HAO1: variants seen among roughly 807,000 people sequenced by gnomAD.
HAO1 encodes the protein hydroxyacid oxidase 1.
Under a neutral mutation model 39.7 loss-of-function variants are expected in HAO1, and 34 were observed. The ratio of observed to expected loss-of-function variants is 0.86; its 90% CI spans 0.65 to 1.14. HAO1 has a LOEUF of 1.14. Ranked by LOEUF, HAO1 falls within the 50% of genes most tolerant of loss-of-function variation. The pLI, the probability that HAO1 is intolerant of heterozygous loss-of-function variation, is 0.00. For missense variants in HAO1, 479 were observed against 464.5 expected (o/e 1.03, Z -0.29); for synonymous variants, 172 against 173.2 (o/e 0.99, Z 0.05).
chr20:7,926,739 C>T (rs35502451), intron 2 of HAO1, among the ~76,000 whole-genome samples: 1 of 152,182 alleles, frequency 6.6e-6, no homozygotes, highest in South Asian at 2.1e-4. Flanking sequence ...CCCAAAACTT[C>T]ACTTTGGAAT....
At chr20:7,901,813 TA>T (rs1199754503) in intron 4 of HAO1, among the ~76,000 whole-genome samples, 1 of 152,182 alleles carries the variant, frequency 6.6e-6, no homozygotes, top group Non-Finnish European at 1.5e-5. Context: ...TAGATGCCAT[TA>T]AGAACATTTG....
intron 2 of HAO1, among the ~76,000 whole-genome samples, chr20:7,930,477 A>AT (rs1317354729): frequency 6.6e-6 from 1 of 152,200 alleles, no homozygotes; most frequent in African/African-American, 2.4e-5. Flanking sequence ...TCAGTTAGCT[A>AT]TTATCCTGGT....
At chr20:7,893,678 A>T (rs1030759631) in intron 5 of HAO1, among the ~76,000 whole-genome samples, 7 of 152,030 alleles carry the variant, frequency 4.6e-5, no homozygotes, top group African/African-American at 1.7e-4. Context: ...TATGATTTTT[A>T]TCTCCCACCT....
chr20:7,927,441 C>T (rs567439446), intron 2 of HAO1, among the ~76,000 whole-genome samples: 21 of 152,104 alleles, frequency 1.4e-4, no homozygotes, highest in African/African-American at 4.8e-4. Context: ...TAAGTAGAGG[C>T]ACTTATAAAA....
rs71330232 is a variant in HAO1 at position 7,907,864 on chromosome 20, C to G, written c.546-1535G>C. Among the ~76,000 whole-genome samples the G allele has an allele frequency of 9.4e-4, 143 of 152,246 alleles. 1 individual carries two copies. The highest frequency in any genetic ancestry group is 1.6e-3 in the Non-Finnish European group (108 of 68,004). The stretch of plus-strand genomic sequence containing the variant: ...AGAATCATTCCTGTGACTTATCTGC[C>G]CACAGTCCCAAATTCAGTTGCAAAC... On this transcript the variant is annotated intron_variant, in intron 3 of 7. Transcript: ENST00000378789.
intron 2 of HAO1, among the ~76,000 whole-genome samples, chr20:7,925,972 A>G (rs2050357345): frequency 6.6e-6 from 1 of 152,136 alleles, no homozygotes; most frequent in Non-Finnish European, 1.5e-5. Context: ...TTTAGCAATG[A>G]ATTATACATT....
chr20:7,893,059 T>G (rs916341793), intron 5 of HAO1, among the ~76,000 whole-genome samples: 11 of 152,118 alleles, frequency 7.2e-5, no homozygotes, highest in African/African-American at 2.7e-4. Context: ...AAAATCCACT[T>G]TATGAGACTC....
At position 7,921,718 on chromosome 20, in the gene HAO1, T is replaced by C. The variant is rs189339640; in HGVS notation, c.290-7299A>G. ...TGGAATCAATCCAGGTGCCCACCAA[T>C]GGTGGATTGAATTTTTAAAATGTGG... On this transcript the variant is annotated intron_variant, in intron 2 of 7. Transcript: ENST00000378789. Among the ~76,000 whole-genome samples the C allele has an allele frequency of 2.6e-3, 395 of 152,222 alleles. 5 individuals are homozygous for C. Among genetic ancestry groups the C allele is most frequent in the African/African-American group, 8.9e-3 (370 of 41,552 alleles).
At chr20:7,891,075 G>T (rs562077250) in intron 5 of HAO1, among the ~76,000 whole-genome samples, 1 of 152,292 alleles carries the variant, frequency 6.6e-6, no homozygotes, top group South Asian at 2.1e-4. Flanking sequence ...TAGTGGGACT[G>T]CTGGATCAAA....
chr20:7,926,301 G>A (rs1171715224), intron 2 of HAO1, among the ~76,000 whole-genome samples: 1 of 152,052 alleles, frequency 6.6e-6, no homozygotes, highest in Admixed American at 6.6e-5. Context: ...AGAACGTAAA[G>A]TCCAAGCATT....
In HAO1 at chr20:7,929,869, A is replaced by G. The variant is rs560596355; in HGVS notation, c.289+4615T>C. Among the ~76,000 whole-genome samples the G allele has an allele frequency of 7.2e-5, 11 of 152,310 alleles. No individual in the cohort carries two copies. In the South Asian group the frequency reaches 2.1e-3, roughly 29 times the overall value. ...CAGAGCAAGACTCTGTCTCAAAAAA[A>G]TAAGAGTCGAGCTCAGTTCTCGGTC... On this transcript the variant is annotated intron_variant, in intron 2 of 7. Coordinates refer to ENST00000378789, the MANE Select transcript of HAO1 (RefSeq NM_017545.3).
chr20:7,921,861 A>C (rs1365921796), intron 2 of HAO1, among the ~76,000 whole-genome samples: 1 of 152,128 alleles, frequency 6.6e-6, no homozygotes, highest in Non-Finnish European at 1.5e-5. Context: ...GTAACCAAAA[A>C]CCAAATACCA....
chr20:7,915,805 G>T (rs2050304293), intron 2 of HAO1, among the ~76,000 whole-genome samples: 1 of 152,132 alleles, frequency 6.6e-6, no homozygotes, highest in Non-Finnish European at 1.5e-5. Flanking sequence ...TGTATTACAT[G>T]ATATCAAATT....
chr20:7,904,987 A>C (rs1021697084), intron 4 of HAO1, among the ~76,000 whole-genome samples: 3 of 152,184 alleles, frequency 2.0e-5, no homozygotes, highest in African/African-American at 7.2e-5. Context: ...ATAATCCACA[A>C]AAATTTTGAA....
intron 2 of HAO1, among the ~76,000 whole-genome samples, chr20:7,918,955 T>C (rs1002103093): frequency 6.6e-6 from 1 of 152,192 alleles, no homozygotes; most frequent in Admixed American, 6.5e-5. Context: ...CTCATTGCAT[T>C]TTGCAAAGGA....
chr20:7,899,643 A>T (rs2050212736), intron 4 of HAO1, among the ~76,000 whole-genome samples: 1 of 152,200 alleles, frequency 6.6e-6, no homozygotes. Flanking sequence ...GTGAATTTCT[A>T]GAGAAGCAAA....
Position 7,896,067 on chromosome 20 carries a change from G to A in HAO1, c.722-843C>T, listed in dbSNP as rs138458609. On this transcript the variant is annotated intron_variant, in intron 4 of 7. Transcript: ENST00000378789. Reference sequence around the variant, plus strand: ...AGCCTGGGTGACAGAGTGAAACTCCGTCTCAAAAAAAAAAAAATTAAAATT... The same window carrying A: ...AGCCTGGGTGACAGAGTGAAACTCCATCTCAAAAAAAAAAAAATTAAAATT... Among the ~76,000 whole-genome samples the A allele has an allele frequency of 7.8e-3, 1,172 of 149,474 alleles. 10 individuals carry two copies. Among genetic ancestry groups the A allele is most frequent in the African/African-American group, 0.027 (1,078 of 40,620 alleles).
chr20:7,909,716 T>G (rs924830811), intron 3 of HAO1, among the ~76,000 whole-genome samples: 6 of 151,998 alleles, frequency 3.9e-5, no homozygotes, highest in African/African-American at 1.2e-4. Context: ...GAATATTGAG[T>G]AATACATAAT....
intron 1 of HAO1, among the ~76,000 whole-genome samples, chr20:7,938,202 T>G (rs540562917): frequency 6.6e-6 from 1 of 152,308 alleles, no homozygotes; most frequent in Admixed American, 6.5e-5. Flanking sequence ...TCCACAACCC[T>G]GGCAGAATTT....
Sources: gnomAD v4.1 joint callset for allele counts (sites outside exome capture counted in the v4.1 genomes callset) on GRCh38, gnomAD v4.1.1 for gene constraint, MANE v1.5 for transcripts, NCBI Gene and HGNC (gene_info 2026-07-23, HGNC 2026-07-21) for gene names.